The following LARGE1 variants were observed in gnomAD, a reference collection of about 807,000 sequenced individuals.
The protein encoded by LARGE1 is LARGE xylosyl- and glucuronyltransferase 1.
Under a neutral mutation model 87.6 loss-of-function variants are expected in LARGE1, and 43 were observed. The observed-to-expected ratio is 0.49, with a 90% CI of 0.38 to 0.63. The LOEUF (loss-of-function observed/expected upper bound fraction) is 0.63. Ranked by LOEUF, LARGE1 falls within the 30% of genes least tolerant of loss-of-function variation. The pLI is 0.00. For missense variants in LARGE1, 802 were observed against 1,000.2 expected (o/e 0.80, Z 2.67); for synonymous variants, 434 against 394.6 (o/e 1.10, Z -1.18).
intron 6 of LARGE1, among the ~76,000 whole-genome samples, chr22:33,439,477 C>T (rs1284437648): frequency 2.6e-5 from 4 of 152,124 alleles, no homozygotes; most frequent in Non-Finnish European, 1.5e-5. Context: ...CGCTGATGTA[C>T]TCCCTCTGAA....
At chr22:33,678,754 C>T (rs942015236) in intron 2 of LARGE1, among the ~76,000 whole-genome samples, 2 of 152,186 alleles carry the variant, frequency 1.3e-5, no homozygotes, top group African/African-American at 2.4e-5. Flanking sequence ...CAGAGCGCAC[C>T]ATGGGACAGA....
chr22:33,863,265 C>G (rs956155189), intron 1 of LARGE1, among the ~76,000 whole-genome samples: 18 of 152,152 alleles, frequency 1.2e-4, no homozygotes, highest in African/African-American at 4.3e-4. Context: ...GTAATTGAGG[C>G]AAAGCATTTG....
At chr22:33,088,014 T>C in the LARGE1 span, among the ~76,000 whole-genome samples, 1 of 152,056 alleles carries the variant, frequency 6.6e-6, no homozygotes. Flanking sequence ...TAGCCACACG[T>C]AGCCAGAGTA....
At position 33,320,076 on chromosome 22, in the gene LARGE1, A is replaced by G. The variant is rs371790356; in HGVS notation, c.1288-3828T>C. 9.2e-5 allele frequency among the ~76,000 whole-genome samples: 14 copies of G among 152,348 alleles called. No homozygotes were observed. In the South Asian group the frequency reaches 1.4e-3, roughly 16 times the overall value. On this transcript the variant is annotated intron_variant, in intron 10 of 14. Transcript: ENST00000397394. The stretch of plus-strand genomic sequence containing the variant: ...TCTCACCATGCCAACAGTTTAATAT[A>G]AGACAAGGAAGCTGAAATTCTCATT...
intron 6 of LARGE1, among the ~76,000 whole-genome samples, chr22:33,508,122 C>A (rs143876345): frequency 1.3e-5 from 2 of 152,300 alleles, no homozygotes; most frequent in African/African-American, 4.8e-5. Flanking sequence ...AAAACTTTCA[C>A]AGAGATGAGC....
intron 6 of LARGE1, among the ~76,000 whole-genome samples, chr22:33,557,554 G>A (rs1471031044): frequency 6.6e-6 from 1 of 152,056 alleles, no homozygotes; most frequent in Admixed American, 6.6e-5. Context: ...AATACTGGGA[G>A]TGCAGGAGAA....
rs1923231812 is a variant in LARGE1, at chr22:33,182,607, G to A, written c.1731-15775C>T. Among the ~76,000 whole-genome samples, 6 of 152,292 alleles carry A rather than the reference G, an allele frequency of 3.9e-5. No individual in the cohort carries two copies. The South Asian group carries it at 1.2e-3, about 32-fold the overall frequency. ...ACAAAGCTATAGTAATCAAAACAGT[G>A]TGGTACTGACTTAATGACTAATTGA... is the stretch of plus-strand genomic sequence containing the variant. On this transcript the variant is annotated intron_variant, in intron 11 of 11. Coordinates refer to the LARGE1 transcript ENST00000608642.
At chr22:33,412,154 C>A (rs185188343) in intron 7 of LARGE1, among the ~76,000 whole-genome samples, 17 of 152,160 alleles carry the variant, frequency 1.1e-4, no homozygotes, top group Admixed American at 9.2e-4. Flanking sequence ...CGTGGTGGCA[C>A]GCGCTTGTAG....
chr22:33,321,366 A>G (rs1936694934), intron 10 of LARGE1, among the ~76,000 whole-genome samples: 1 of 152,174 alleles, frequency 6.6e-6, no homozygotes, highest in Admixed American at 6.5e-5. Flanking sequence ...TGATTCATAC[A>G]TATTAGAGGG....
At chr22:33,225,161 TC>T (rs1165915478) in intron 11 of LARGE1, among the ~76,000 whole-genome samples, 3 of 152,156 alleles carry the variant, frequency 2.0e-5, no homozygotes, top group African/African-American at 7.2e-5. Flanking sequence ...GGAAGAGGTG[TC>T]CCTGGGTGCT....
chr22:33,392,388 G>A lies in LARGE1; in HGVS notation c.893-8084C>T, dbSNP rs567737810. Among the ~76,000 whole-genome samples, 82 of 152,320 alleles carry A rather than the reference G, an allele frequency of 5.4e-4. 1 individual carries two copies. Among genetic ancestry groups the A allele is most frequent in the African/African-American group, 2.0e-3 (82 of 41,574 alleles). ...AAAAAGAAAATGGGGGCCAGGTGCG[G>A]TGGCTCACGCCTGTGATCCCAGCAC... On this transcript the variant is annotated intron_variant, in intron 7 of 14. Coordinates refer to ENST00000397394, the MANE Select transcript of LARGE1 (RefSeq NM_133642.5).
the LARGE1 span, among the ~76,000 whole-genome samples, chr22:33,154,735 A>G: frequency 6.6e-6 from 1 of 151,966 alleles, no homozygotes; most frequent in East Asian, 1.9e-4. Context: ...ATAAAGATGG[A>G]TAAGACTAGG....
intron 3 of LARGE1, among the ~76,000 whole-genome samples, chr22:33,638,761 A>G (rs905384015): frequency 3.3e-5 from 5 of 152,248 alleles, no homozygotes; most frequent in Non-Finnish European, 7.3e-5. Context: ...ATTTTATGTA[A>G]AGCTCTAGCA....
intron 11 of LARGE1, among the ~76,000 whole-genome samples, chr22:33,246,507 G>A (rs946184375): frequency 6.6e-6 from 1 of 152,096 alleles, no homozygotes; most frequent in Non-Finnish European, 1.5e-5. Flanking sequence ...TTAGCCAGGC[G>A]TGGTGGTGCG....
chr22:33,565,137 G>T (rs777137352), intron 5 of LARGE1, 118 bp from the exon 6 acceptor site: 274 of 939,786 alleles, frequency 2.9e-4, no homozygotes, highest in Non-Finnish European at 4.0e-4. Context: ...ATAAAAATTT[G>T]TTGAATAAAT....
At chr22:33,260,480 G>A (rs765471219) in intron 11 of LARGE1, among the ~76,000 whole-genome samples, 3 of 152,190 alleles carry the variant, frequency 2.0e-5, no homozygotes, top group Non-Finnish European at 4.4e-5. Context: ...CTTTCCAACC[G>A]CTGGGCTGTG....
chr22:33,439,910 T>C (rs1202348379), intron 6 of LARGE1, among the ~76,000 whole-genome samples: 3 of 152,182 alleles, frequency 2.0e-5, no homozygotes, highest in Non-Finnish European at 4.4e-5. Context: ...CTGCTCCTCA[T>C]TCCTCACATC....
At chr22:33,917,302 C>T (rs2065816255) in intron 1 of LARGE1, among the ~76,000 whole-genome samples, 1 of 152,188 alleles carries the variant, frequency 6.6e-6, no homozygotes, top group Admixed American at 6.5e-5. Flanking sequence ...TAAGACTTAG[C>T]TACTTGGGTA....
intron 6 of LARGE1, among the ~76,000 whole-genome samples, chr22:33,534,631 TG>T (rs1235211386): frequency 6.6e-6 from 1 of 152,086 alleles, no homozygotes; most frequent in African/African-American, 2.4e-5. Flanking sequence ...AGAAAGAGTG[TG>T]GATTATTAGA....
Sources: gnomAD v4.1 joint callset for allele counts (sites outside exome capture counted in the v4.1 genomes callset) on GRCh38, gnomAD v4.1.1 for gene constraint, MANE v1.5 for transcripts, NCBI Gene and HGNC (gene_info 2026-07-23, HGNC 2026-07-21) for gene names.